ALK: variants seen among roughly 807,000 people sequenced by gnomAD.
ALK encodes the protein ALK receptor tyrosine kinase, also known as ALK tyrosine kinase receptor.
In ALK, 74 loss-of-function variants were observed where a neutral mutation model predicts 163.1. The ratio of observed to expected loss-of-function variants is 0.45; its 90% CI spans 0.38 to 0.55. ALK has a LOEUF of 0.55. Ranked by LOEUF, ALK falls within the 20% of genes least tolerant of loss-of-function variation. ALK has a pLI of 0.00. For synonymous variants in ALK, 960 were observed against 843.2 expected, an observed-to-expected ratio of 1.14 and a Z score of -2.40; for missense variants, 2,063 against 2,105.3, an observed-to-expected ratio of 0.98 and a Z score of 0.39.
chr2:29,431,924 TGTCCCGTCCC>T (rs1168798382), intron 4 of ALK, among the ~76,000 whole-genome samples: 3 of 152,128 alleles, frequency 2.0e-5, no homozygotes, highest in Admixed American at 6.5e-5. Context: ...GAGAATATCC[TGTCCCGTCCC>T]GTCCCGTCCA....
At chr2:29,494,579 G>A (rs1010049832) in intron 4 of ALK, among the ~76,000 whole-genome samples, 4 of 152,136 alleles carry the variant, frequency 2.6e-5, no homozygotes, top group South Asian at 2.1e-4. Flanking sequence ...CCCCTTCTGC[G>A]CGGTGCCAGG....
intron 1 of ALK, among the ~76,000 whole-genome samples, chr2:29,897,433 C>T (rs1002837642): frequency 2.0e-5 from 3 of 152,000 alleles, no homozygotes; most frequent in Admixed American, 2.0e-4. Context: ...ATAAATAATA[C>T]TTCAGTTTAA....
chr2:29,739,310 A>G (rs1160596790), intron 1 of ALK, among the ~76,000 whole-genome samples: 1 of 149,070 alleles, frequency 6.7e-6, no homozygotes, highest in East Asian at 2.0e-4. Context: ...CTGTAATCCC[A>G]GCACGCTGGG....
intron 3 of ALK, among the ~76,000 whole-genome samples, chr2:29,681,661 C>T (rs1445942335): frequency 6.6e-6 from 1 of 152,104 alleles, no homozygotes; most frequent in East Asian, 1.9e-4. Context: ...TAAATGGAGC[C>T]TCAGGCTAGC....
At chr2:29,290,445 TC>T (rs1665991816) in intron 9 of ALK, among the ~76,000 whole-genome samples, 1 of 152,200 alleles carries the variant, frequency 6.6e-6, no homozygotes, top group Admixed American at 6.5e-5. Context: ...CTCATAGGCA[TC>T]CCTTTTTCCT....
intron 4 of ALK, among the ~76,000 whole-genome samples, chr2:29,474,302 C>A (rs71444422): frequency 1.4e-3 from 212 of 152,132 alleles, no homozygotes; most frequent in Non-Finnish European, 2.3e-3. Flanking sequence ...GGAAAGAAGT[C>A]AAATAGTAAT....
At chr2:29,563,709 T>C (rs1298556220) in intron 3 of ALK, among the ~76,000 whole-genome samples, 1 of 152,180 alleles carries the variant, frequency 6.6e-6, no homozygotes. Flanking sequence ...GGTTAACTGT[T>C]CTTGCTTATC....
At chr2:29,597,983 C>T (rs759873368) in intron 3 of ALK, among the ~76,000 whole-genome samples, 2 of 152,332 alleles carry the variant, frequency 1.3e-5, no homozygotes, top group South Asian at 4.1e-4. Context: ...GTTTTGTCAC[C>T]TGCTCTAGCT....
chr2:29,620,600 C>G (rs964591584), intron 3 of ALK, among the ~76,000 whole-genome samples: 1 of 152,054 alleles, frequency 6.6e-6, no homozygotes, highest in African/African-American at 2.4e-5. Flanking sequence ...TGCCATTCAG[C>G]AGCTGCATGG....
chr2:29,783,886 G>T (rs566104893), intron 1 of ALK, among the ~76,000 whole-genome samples: 60 of 152,112 alleles, frequency 3.9e-4, no homozygotes, highest in Non-Finnish European at 7.5e-4. Flanking sequence ...AGTCCTCCAG[G>T]ATTCCACCAA....
rs948500140 is a variant in ALK, at chr2:29,920,828, G to A, written c.-169C>T. On this transcript the variant is annotated 5_prime_UTR_variant, in exon 1 of 29. Transcript: ENST00000389048. ...TCTCTTGCTTTCCCCCAACTGCACG[G>A]AGGCGAGCAGGAGTCTAAATGAAAC... 3.1e-6 allele frequency: 2 copies of A among 636,608 alleles called. No individual in the cohort carries two copies. Among genetic ancestry groups the A allele is most frequent in the East Asian group, 2.8e-5 (1 of 36,118 alleles). 39.4% of individuals were successfully genotyped at this position (636,608 alleles called of 1,614,324 possible).
At chr2:29,605,618 T>A (rs996179018) in intron 3 of ALK, among the ~76,000 whole-genome samples, 1 of 152,108 alleles carries the variant, frequency 6.6e-6, no homozygotes, top group African/African-American at 2.4e-5. Context: ...TTCCACGTGA[T>A]CACCTGGCAA....
At chr2:29,236,260 T>C (rs1262800155) in intron 13 of ALK, among the ~76,000 whole-genome samples, 1 of 152,006 alleles carries the variant, frequency 6.6e-6, no homozygotes, top group Non-Finnish European at 1.5e-5. Context: ...TCTGAACCAG[T>C]GGTGCTGAGA....
intron 9 of ALK, among the ~76,000 whole-genome samples, chr2:29,289,855 C>T (rs1051723785): frequency 6.6e-6 from 1 of 152,154 alleles, no homozygotes; most frequent in African/African-American, 2.4e-5. Context: ...GGCAACCAGA[C>T]AGGTGCCTGT....
At chr2:29,729,579 T>C (rs144407997) in intron 1 of ALK, among the ~76,000 whole-genome samples, 1 of 152,266 alleles carries the variant, frequency 6.6e-6, no homozygotes, top group Non-Finnish European at 1.5e-5. Flanking sequence ...CACCCTGGAA[T>C]TAGCTGCCAG....
At position 29,239,432 on chromosome 2, in the gene ALK, T is replaced by A. The variant is rs78743580; in HGVS notation, c.2355+248A>T. Among the ~76,000 whole-genome samples the A allele has an allele frequency of 0.075, 11,382 of 152,204 alleles. 532 individuals are homozygous for A. Among genetic ancestry groups the A allele is most frequent in the Non-Finnish European group, 0.11 (7,244 of 67,986 alleles). On this transcript the variant is annotated intron_variant, in intron 13 of 28. Transcript: ENST00000389048. Reference sequence around the variant, plus strand: ...GGGGAGCCTGGCCCAACCAGGAGATTCACCTGGCAGGGTGCTGAGTTCCTG... The same window carrying A: ...GGGGAGCCTGGCCCAACCAGGAGATACACCTGGCAGGGTGCTGAGTTCCTG...
rs1667332611 is a variant in ALK at position 29,328,236 on chromosome 2, G to C, written c.1414+114C>G. On this transcript the variant is annotated intron_variant, in intron 6 of 28. Transcript: ENST00000389048. ...GGCTTTGCCATGAGAGGAGTCACAAGTGTCAGTGGATATCAGGAAGGCTGT... is the reference window on the plus strand; with the variant it reads ...GGCTTTGCCATGAGAGGAGTCACAACTGTCAGTGGATATCAGGAAGGCTGT... 4.7e-6 allele frequency: 7 copies of C among 1,474,294 alleles called. No individual in the cohort carries two copies. The South Asian group carries it at 8.2e-5, about 17-fold the overall frequency. The allele number at this position is 1,474,294 out of a possible 1,614,324, so 91.3% of individuals were successfully genotyped here.
At chr2:29,793,920 C>T (rs4666275) in intron 1 of ALK, among the ~76,000 whole-genome samples, 117,815 of 152,104 alleles carry the variant, frequency 0.77, 50,238 homozygotes, top group Non-Finnish European at 0.93. Context: ...ATAAGACTGA[C>T]TTGAACTTAA....
In ALK at chr2:29,207,168, T is replaced by C. The variant is rs1669333067; in HGVS notation, c.3938+3A>G. 1 of 1,611,736 alleles carries C rather than the reference T, an allele frequency of 6.2e-7. No individual in the cohort carries two copies. The highest frequency in any genetic ancestry group is 1.3e-5 in the African/African-American group (1 of 74,996). ...GATACCTGGAGGATGATGGCTGACT[T>C]ACCATGTGTCTGTTTTAGAAGTGAA... On this transcript the variant is annotated splice_donor_region_variant and intron_variant, in intron 26 of 28. Transcript: ENST00000389048.
Sources: gnomAD v4.1 joint callset for allele counts (sites outside exome capture counted in the v4.1 genomes callset) on GRCh38, gnomAD v4.1.1 for gene constraint, MANE v1.5 for transcripts, NCBI Gene and HGNC (gene_info 2026-07-23, HGNC 2026-07-21) for gene names.